Variants in TENM2 observed in about 807,000 individuals in gnomAD.
TENM2 encodes teneurin-2.
A neutral mutation model predicts 245.2 loss-of-function variants in TENM2; 52 were observed. The observed-to-expected ratio is 0.21, with a 90% CI of 0.17 to 0.27. The LOEUF is 0.27. Among genes scored for constraint, TENM2 ranks in the 10% least tolerant of loss-of-function variants. TENM2 has a pLI of 1.00. For synonymous variants in TENM2, 1,363 were observed against 1,438.9 expected (o/e 0.95, Z 1.19); for missense variants, 3,046 against 3,666.8 (o/e 0.83, Z 4.37).
At chr5:167,310,728 A>T (rs570590587) in intron 1 of TENM2, among the ~76,000 whole-genome samples, 1 of 152,332 alleles carries the variant, frequency 6.6e-6, no homozygotes, top group African/African-American at 2.4e-5. Context: ...TGTCTGAGAG[A>T]TATACACCAG....
intron 2 of TENM2, among the ~76,000 whole-genome samples, chr5:167,575,291 TTAAAAGAA>T (rs1275198645): frequency 2.6e-5 from 4 of 152,100 alleles, no homozygotes; most frequent in African/African-American, 9.7e-5. Flanking sequence ...CAAAATTCAG[TTAAAAGAA>T]TCCTCCTCTG....
At chr5:167,223,830 C>T in the TENM2 span, among the ~76,000 whole-genome samples, 1 of 152,012 alleles carries the variant, frequency 6.6e-6, no homozygotes, top group Non-Finnish European at 1.5e-5. Context: ...TCCCTTTTCC[C>T]CACAAACTTG....
At chr5:167,503,806 A>G (rs1769369000) in intron 2 of TENM2, among the ~76,000 whole-genome samples, 1 of 152,132 alleles carries the variant, frequency 6.6e-6, no homozygotes, top group East Asian at 1.9e-4. Context: ...AAGTGGGAGG[A>G]TCACTTGAGC....
the TENM2 span, among the ~76,000 whole-genome samples, chr5:167,272,165 C>G: frequency 1.3e-5 from 2 of 152,174 alleles, no homozygotes; most frequent in African/African-American, 4.8e-5. Context: ...CAGCTTCTCT[C>G]TCTTTCTTTT....
chr5:167,351,192 GATAT>G (rs913860234), intron 1 of TENM2, among the ~76,000 whole-genome samples: 1 of 148,598 alleles, frequency 6.7e-6, no homozygotes, highest in Non-Finnish European at 1.5e-5. Flanking sequence ...GATATATATG[GATAT>G]ATATATATGG....
chr5:167,858,842 G>A (rs1318189069), intron 2 of TENM2, among the ~76,000 whole-genome samples: 4 of 144,790 alleles, frequency 2.8e-5, no homozygotes, highest in African/African-American at 7.6e-5. Flanking sequence ...CTGGAGGAGC[G>A]GACGGGCCCC....
rs59451985 is a variant in TENM2 at position 167,502,774 on chromosome 5, C to A, written c.502+127301C>A. On this transcript the variant is annotated intron_variant, in intron 2 of 28. Coordinates refer to ENST00000518659, the Ensembl canonical transcript of TENM2. Reference sequence around the variant, plus strand: ...AAGTGTGGTCCTGGGATAATTGTGTCAGTTTCAGGTGGGGATTCATGCTGA... The same window carrying A: ...AAGTGTGGTCCTGGGATAATTGTGTAAGTTTCAGGTGGGGATTCATGCTGA... Among the ~76,000 whole-genome samples, 92 of 152,276 alleles carry A rather than the reference C, an allele frequency of 6.0e-4. 1 individual carries two copies. The East Asian group carries it at 0.012, about 20-fold the overall frequency.
At chr5:167,020,779 A>T in the TENM2 span, among the ~76,000 whole-genome samples, 1 of 152,254 alleles carries the variant, frequency 6.6e-6, no homozygotes, top group South Asian at 2.1e-4. Flanking sequence ...CAATGTCTGC[A>T]ATATGCCTTA....
chr5:167,039,423 G>A, the TENM2 span, among the ~76,000 whole-genome samples: 1 of 152,278 alleles, frequency 6.6e-6, no homozygotes, highest in Admixed American at 6.5e-5. Flanking sequence ...CACTGGCCAG[G>A]AAACTTGGAC....
rs116153756 is a variant in TENM2, at chr5:168,138,265, C to T, written c.2422+11299C>T. ...GTCTTCAATAAGCCTCAGTTTTTCCCGTCTGTAAATTGGGAATAATAAATA... is the reference window on the plus strand; with the variant it reads ...GTCTTCAATAAGCCTCAGTTTTTCCTGTCTGTAAATTGGGAATAATAAATA... On this transcript the variant is annotated intron_variant, in intron 12 of 28. Transcript: ENST00000518659. Among the ~76,000 whole-genome samples the T allele has an allele frequency of 7.5e-3, 1,146 of 152,244 alleles. 8 individuals carry two copies. Among genetic ancestry groups the T allele is most frequent in the Middle Eastern group, 0.037 (11 of 294 alleles).
chr5:167,432,215 C>G (rs1434322611), intron 2 of TENM2, among the ~76,000 whole-genome samples: 1 of 151,562 alleles, frequency 6.6e-6, no homozygotes, highest in East Asian at 1.9e-4. Context: ...AGCTCATCAT[C>G]AACGTGAACT....
At chr5:167,618,425 A>T (rs1777937398) in intron 2 of TENM2, among the ~76,000 whole-genome samples, 1 of 151,998 alleles carries the variant, frequency 6.6e-6, no homozygotes, top group Non-Finnish European at 1.5e-5. Context: ...TTAGAATCAA[A>T]TCCTCTGGGG....
At chr5:167,276,354 G>GTA in the TENM2 span, among the ~76,000 whole-genome samples, 9 of 9,166 alleles carry the variant, frequency 9.8e-4, no homozygotes, top group Admixed American at 5.8e-3. Flanking sequence ...TGTTCATTTT[G>GTA]TGTGTGTGTG....
chr5:168,005,202 G>C (rs1784728359), intron 5 of TENM2, among the ~76,000 whole-genome samples: 1 of 152,178 alleles, frequency 6.6e-6, no homozygotes, highest in African/African-American at 2.4e-5. Flanking sequence ...TATGCCAAAG[G>C]TAAATAGGAG....
intron 2 of TENM2, among the ~76,000 whole-genome samples, chr5:167,634,206 C>A (rs2150225430): frequency 6.6e-6 from 1 of 152,292 alleles, no homozygotes; most frequent in East Asian, 1.9e-4. Context: ...TTTGTAATGA[C>A]TGTTTGGCCA....
chr5:167,961,236 A>G (rs1349029420), intron 4 of TENM2, among the ~76,000 whole-genome samples: 1 of 152,200 alleles, frequency 6.6e-6, no homozygotes, highest in Non-Finnish European at 1.5e-5. Flanking sequence ...GTCAATAAAA[A>G]CTGTATATAA....
chr5:167,043,162 C>T, the TENM2 span, among the ~76,000 whole-genome samples: 1 of 152,122 alleles, frequency 6.6e-6, no homozygotes. Flanking sequence ...AGGTTTTATC[C>T]AGTGTCTAGT....
chr5:167,495,224 T>C (rs1768728794), intron 2 of TENM2, among the ~76,000 whole-genome samples: 1 of 120,682 alleles, frequency 8.3e-6, no homozygotes, highest in African/African-American at 2.9e-5. Flanking sequence ...TCCTTTAATG[T>C]TTTTTTTGTT....
rs906062225 is a variant in TENM2 at position 168,166,412 on chromosome 5, T to TA, written c.2569+3656dup. 1.2e-4 allele frequency among the ~76,000 whole-genome samples: 19 copies of TA among 152,352 alleles called. No homozygotes were observed. The East Asian group carries it at 1.5e-3, about 12-fold the overall frequency. On this transcript the variant is annotated intron_variant, in intron 13 of 28. Coordinates refer to ENST00000518659, the Ensembl canonical transcript of TENM2. ...TATTTTAAACTGAGATAGATATAGA[T>TA]ACAAATAACAGATAGAGATATTTGA...
Sources: gnomAD v4.1 joint callset for allele counts (sites outside exome capture counted in the v4.1 genomes callset) on GRCh38, gnomAD v4.1.1 for gene constraint, MANE v1.5 for transcripts, NCBI Gene and HGNC (gene_info 2026-07-23, HGNC 2026-07-21) for gene names.